Variants in SPOCK1 observed in about 807,000 individuals in gnomAD.
The protein encoded by SPOCK1 is testican-1.
A neutral mutation model predicts 55.3 loss-of-function variants in SPOCK1; 23 were observed. The ratio of observed to expected loss-of-function variants is 0.42; its 90% confidence interval spans 0.30 to 0.59. SPOCK1 has a LOEUF of 0.59. SPOCK1 is among the 20% of genes least tolerant of loss of function. The pLI is 0.22. For missense variants in SPOCK1, 499 were observed against 552.5 expected, an observed-to-expected ratio of 0.90 and a Z score of 0.97; for synonymous variants, 226 against 221.0, an observed-to-expected ratio of 1.02 and a Z score of -0.20.
chr5:137,178,442 T>C (rs976189752), intron 3 of SPOCK1, among the ~76,000 whole-genome samples: 3 of 152,342 alleles, frequency 2.0e-5, no homozygotes, highest in African/African-American at 4.8e-5. Context: ...GGGCATGCGA[T>C]TGCAATCCAT....
chr5:137,478,985 T>C (rs1342443507), intron 2 of SPOCK1, among the ~76,000 whole-genome samples: 1 of 151,902 alleles, frequency 6.6e-6, no homozygotes, highest in South Asian at 2.1e-4. Flanking sequence ...TCCCCCAGTC[T>C]GTATAAGAAG....
intron 4 of SPOCK1, among the ~76,000 whole-genome samples, chr5:137,136,496 A>G (rs968793633): frequency 6.6e-6 from 1 of 152,192 alleles, no homozygotes; most frequent in African/African-American, 2.4e-5. Flanking sequence ...GCAATATAGG[A>G]ACCACTTGAT....
At chr5:137,072,823 T>C (rs1752645636) in intron 5 of SPOCK1, among the ~76,000 whole-genome samples, 1 of 152,254 alleles carries the variant, frequency 6.6e-6, no homozygotes, top group Non-Finnish European at 1.5e-5. Flanking sequence ...CTGTTGACAG[T>C]TCACAGTTGA....
At position 137,032,031 on chromosome 5, in the gene SPOCK1, CAT is replaced by C. The variant is rs113446652; in HGVS notation, c.589+35682_589+35683del. On this transcript the variant is annotated intron_variant, in intron 6 of 10. Transcript: ENST00000394945. ...TAAAAAGAAATATATATATATTCCC[CAT>C]ATATATATAATATATAATAAAAATA... is the stretch of plus-strand genomic sequence containing the variant. 3.9e-3 allele frequency among the ~76,000 whole-genome samples: 569 copies of C among 147,446 alleles called. 9 individuals are homozygous for C. Among genetic ancestry groups the C allele is most frequent in the Middle Eastern group, 0.018 (5 of 278 alleles).
chr5:137,067,672 C>A, intron 6 of SPOCK1, 43 bp downstream of exon 6: 1 of 1,558,154 alleles, frequency 6.4e-7, no homozygotes. Flanking sequence ...TCTGTGACCC[C>A]CCATTCCTGC....
intron 5 of SPOCK1, among the ~76,000 whole-genome samples, chr5:137,070,752 T>C (rs768860237): frequency 1.3e-5 from 2 of 152,152 alleles, no homozygotes; most frequent in Admixed American, 6.6e-5. Flanking sequence ...CTGGGTGGCC[T>C]TGCCATGACT....
chr5:137,419,486 G>T (rs1037953627), intron 2 of SPOCK1, among the ~76,000 whole-genome samples: 10 of 152,264 alleles, frequency 6.6e-5, no homozygotes, highest in Non-Finnish European at 1.0e-4. Context: ...ATGAGCAGTG[G>T]TTTGTAGTTC....
chr5:137,355,727 C>T (rs2127163077), intron 2 of SPOCK1, among the ~76,000 whole-genome samples: 1 of 152,210 alleles, frequency 6.6e-6, no homozygotes, highest in South Asian at 2.1e-4. Flanking sequence ...CCACAACACC[C>T]CCCCACACCA....
chr5:136,978,441 A>C lies in SPOCK1; in HGVS notation c.*213T>G. ...CTTCCCTATCCAAAAAATAAACAAC[A>C]ACAAAAAAAAAACACAACACCCTTT... On this transcript the variant is annotated 3_prime_UTR_variant, in exon 11 of 11. Coordinates refer to ENST00000394945, the MANE Select transcript of SPOCK1 (RefSeq NM_004598.4). 1 of 343,594 alleles carries C rather than the reference A, an allele frequency of 2.9e-6. No individual in the cohort carries two copies. The highest frequency in any genetic ancestry group is 5.0e-6 in the Non-Finnish European group (1 of 201,784). The allele number at this position is 343,594 out of a possible 1,614,324, so 21.3% of individuals were successfully genotyped here. A position where few individuals can be genotyped will look rare whatever the true frequency, so the allele number is the denominator to read the frequency against.
intron 3 of SPOCK1, among the ~76,000 whole-genome samples, chr5:137,143,457 G>A (rs139002392): frequency 6.6e-5 from 10 of 150,944 alleles, no homozygotes; most frequent in Admixed American, 1.4e-4. Context: ...GGAACAGCAC[G>A]GACTCCAAGG....
intron 6 of SPOCK1, among the ~76,000 whole-genome samples, chr5:137,021,760 T>C (rs1751578564): frequency 6.6e-6 from 1 of 152,158 alleles, no homozygotes; most frequent in African/African-American, 2.4e-5. Flanking sequence ...CTCTAAATTA[T>C]GCTTTGCTTG....
Position 137,267,010 on chromosome 5 carries a change from C to T in SPOCK1, c.232G>A (p.Ala78Thr). The change falls in exon 3 of 11, where the codon GCC (alanine) becomes ACC (threonine). Residue 78 changes from alanine (A) to threonine (T), a missense_variant and splice_region_variant. This residue lies in a region of SPOCK1 where 386 missense variants were observed against 400.6 expected (regional missense o/e 0.96). Coordinates refer to ENST00000394945, the MANE Select transcript of SPOCK1 (RefSeq NM_004598.4). Reference protein sequence around the residue: ...NWNPNKPFDQALDPSKDPCLK... With the variant: ...NWNPNKPFDQTLDPSKDPCLK... Reference sequence around the variant, plus strand: ...CAGCAAGAAATATTGCATCCATTACCTTGGTCAAAGGGCTTGTTGGGATTC... The same window carrying T: ...CAGCAAGAAATATTGCATCCATTACTTTGGTCAAAGGGCTTGTTGGGATTC... The T allele has an allele frequency of 6.2e-7, 1 of 1,612,346 alleles. No homozygotes were observed. The highest frequency in any genetic ancestry group is 8.5e-7 in the Non-Finnish European group (1 of 1,178,534).
intron 2 of SPOCK1, among the ~76,000 whole-genome samples, chr5:137,364,319 T>G (rs1020254280): frequency 6.6e-6 from 1 of 152,078 alleles, no homozygotes; most frequent in African/African-American, 2.4e-5. Context: ...CGGGGTGACG[T>G]TTTTTGCAGC....
At chr5:137,341,573 C>A (rs1178856152) in intron 2 of SPOCK1, among the ~76,000 whole-genome samples, 1 of 152,202 alleles carries the variant, frequency 6.6e-6, no homozygotes, top group Non-Finnish European at 1.5e-5. Flanking sequence ...GTTTTACAGG[C>A]TGATTACATA....
At chr5:137,136,301 T>G (rs1753984826) in intron 4 of SPOCK1, among the ~76,000 whole-genome samples, 1 of 152,114 alleles carries the variant, frequency 6.6e-6, no homozygotes, top group African/African-American at 2.4e-5. Flanking sequence ...ATGATTAAAA[T>G]GTATAACTAT....
intron 6 of SPOCK1, among the ~76,000 whole-genome samples, chr5:137,046,324 G>C (rs1292895069): frequency 4.3e-5 from 6 of 138,750 alleles, no homozygotes; most frequent in Admixed American, 7.3e-5. Flanking sequence ...ATTTCCTTGA[G>C]CAGTGGTTTG....
At chr5:137,207,858 A>G (rs1755546564) in intron 3 of SPOCK1, among the ~76,000 whole-genome samples, 1 of 152,168 alleles carries the variant, frequency 6.6e-6, no homozygotes, top group South Asian at 2.1e-4. Flanking sequence ...TTTAATTAGT[A>G]TCATACCCTA....
rs114365766 is a variant in SPOCK1, at chr5:136,999,251, G to A, written c.590-6651C>T. 8.7e-3 allele frequency among the ~76,000 whole-genome samples: 1,330 copies of A among 152,252 alleles called. 16 individuals are homozygous for A. Among genetic ancestry groups the A allele is most frequent in the African/African-American group, 0.03 (1,248 of 41,528 alleles). On this transcript the variant is annotated intron_variant, in intron 6 of 10. Transcript: ENST00000394945. The stretch of plus-strand genomic sequence containing the variant: ...TTGGTGGGGTTGTAAGGGGGAAGGG[G>A]AGCTCTAAGTTATTAGTATTTGCTT...
At chr5:137,078,572 C>T (rs1016811736) in intron 5 of SPOCK1, among the ~76,000 whole-genome samples, 10 of 152,130 alleles carry the variant, frequency 6.6e-5, no homozygotes, top group African/African-American at 9.7e-5. Context: ...ACACCCAGGG[C>T]GCCACTGCTT....
Sources: gnomAD v4.1 joint callset for allele counts (sites outside exome capture counted in the v4.1 genomes callset) on GRCh38, gnomAD v4.1.1 for gene constraint, gnomAD v4.1.1 regional missense constraint, MANE v1.5 for transcripts, NCBI Gene and HGNC (gene_info 2026-07-23, HGNC 2026-07-21) for gene names.